TCF20: variants seen among roughly 807,000 people sequenced by gnomAD.
The protein encoded by TCF20 is SPRE-binding protein.
In TCF20, 3 loss-of-function variants were observed where a neutral mutation model predicts 148.6. The ratio of observed to expected loss-of-function variants is 0.02; its 90% CI spans 0.01 to 0.05. The LOEUF is 0.05. TCF20 is among the 10% of genes least tolerant of loss of function. The pLI is 1.00. For synonymous variants in TCF20, 1,049 were observed against 909.5 expected, an observed-to-expected ratio of 1.15 and a Z score of -2.76; for missense variants, 2,350 against 2,429.3, an observed-to-expected ratio of 0.97 and a Z score of 0.69.
chr22:42,238,883 C>A (rs1444618707), intron 1 of TCF20, among the ~76,000 whole-genome samples: 4 of 151,536 alleles, frequency 2.6e-5, no homozygotes, highest in Admixed American at 6.6e-5. Context: ...TTTGGGAGGC[C>A]GAGGTGGGTG....
intron 2 of TCF20, among the ~76,000 whole-genome samples, chr22:42,185,128 C>T (rs1391926688): frequency 6.6e-6 from 1 of 152,222 alleles, no homozygotes. Context: ...TAATTAGCAT[C>T]TCAGAGCAGC....
chr22:42,221,879 C>T (rs1382555881), intron 1 of TCF20, among the ~76,000 whole-genome samples: 1 of 151,578 alleles, frequency 6.6e-6, no homozygotes, highest in African/African-American at 2.4e-5. Flanking sequence ...GCTGGGACTA[C>T]AGGCGCCCAC....
intron 1 of TCF20, among the ~76,000 whole-genome samples, chr22:42,268,532 GGC>G (rs1926416399): frequency 6.6e-6 from 1 of 152,152 alleles, no homozygotes; most frequent in African/African-American, 2.4e-5. Flanking sequence ...TGCTGAAACT[GGC>G]TGGAAATTTC....
At chr22:42,321,348 G>A (rs1381833820) in intron 1 of TCF20, among the ~76,000 whole-genome samples, 2 of 152,160 alleles carry the variant, frequency 1.3e-5, no homozygotes, top group East Asian at 1.9e-4. Flanking sequence ...CCTGTCCCAT[G>A]GCCAGCTCTG....
intron 1 of TCF20, among the ~76,000 whole-genome samples, chr22:42,309,452 C>T (rs556099641): frequency 9.7e-4 from 147 of 152,168 alleles, no homozygotes; most frequent in Middle Eastern, 3.4e-3. Context: ...CTTGGGCCTC[C>T]GCGCTCTGGC....
At chr22:42,263,640 G>A (rs1926136964) in intron 1 of TCF20, among the ~76,000 whole-genome samples, 1 of 152,176 alleles carries the variant, frequency 6.6e-6, no homozygotes, top group Non-Finnish European at 1.5e-5. Context: ...GCATAATTAG[G>A]ATGAGAGAAA....
upstream of TCF20, among the ~76,000 whole-genome samples, chr22:42,270,817 C>T (rs1030208425): frequency 3.0e-4 from 44 of 147,708 alleles, no homozygotes; most frequent in African/African-American, 1.0e-3. Context: ...TCGAGGCTGG[C>T]GCGCGCCGGG....
intron 1 of TCF20, among the ~76,000 whole-genome samples, chr22:42,280,382 C>T (rs1266504089): frequency 6.6e-6 from 1 of 152,228 alleles, no homozygotes; most frequent in Admixed American, 6.5e-5. Flanking sequence ...GGTGGGTGGG[C>T]CTTTGTGGTC....
At chr22:42,228,257 T>C (rs980638170) in intron 1 of TCF20, among the ~76,000 whole-genome samples, 2 of 151,822 alleles carry the variant, frequency 1.3e-5, no homozygotes, top group Admixed American at 1.3e-4. Context: ...TGACACACAG[T>C]CAAAACGGAC....
chr22:42,179,685 C>T lies in TCF20; in HGVS notation c.5673G>A (p.Gln1891=). 6.2e-7 allele frequency: 1 copy of T among 1,613,820 alleles called. No homozygotes were observed. The change falls in exon 3 of 6, where the codon CAG becomes CAA. Residue 1891 remains glutamine (Q), a synonymous_variant. Transcript: ENST00000677622. ...AGCAGCCCAAGGTGGCGCCTGCCTC[C>T]TGGCAGTGGGAACATTTCTGAAAGG... The part of the protein sequence containing the change: ...IAREMKCSHC[Q]EAGATLGCYN...
rs1936470067 is a variant in TCF20 at position 42,176,630 on chromosome 22, A to G, written c.5749+2979T>C. Reference sequence around the variant, plus strand: ...ATGCTACTTGCTGCCTTCTCTCACCACTTTTCCTCAAACGTGACCACAGGC... The same window carrying G: ...ATGCTACTTGCTGCCTTCTCTCACCGCTTTTCCTCAAACGTGACCACAGGC... On this transcript the variant is annotated intron_variant, in intron 3 of 5. Transcript: ENST00000677622. Among the ~76,000 whole-genome samples the G allele has an allele frequency of 2.0e-5, 3 of 152,228 alleles. No homozygotes were observed. In the South Asian group the frequency reaches 6.2e-4, roughly 32 times the overall value.
Position 42,279,542 on chromosome 22 carries a change from A to C in TCF20, c.-37+4285T>G, listed in dbSNP as rs1016849673. On this transcript the variant is annotated intron_variant, in intron 1 of 5. Transcript: ENST00000359486. This position sits in a 1 kb window ranked among gnomAD's most constrained non-coding sequence, Gnocchi z 4.3. ...CTTCGGCAAGCTCCCTAAGCTCCTG[A>C]AGCCTCAGCCTTTTCACCCGTAGAA... Among the ~76,000 whole-genome samples the C allele has an allele frequency of 6.6e-6, 1 of 152,208 alleles. No homozygotes were observed. Among genetic ancestry groups the C allele is most frequent in the African/African-American group, 2.4e-5 (1 of 41,444 alleles).
chr22:42,268,503 C>A (rs1392530519), intron 1 of TCF20, among the ~76,000 whole-genome samples: 1 of 152,218 alleles, frequency 6.6e-6, no homozygotes, highest in Non-Finnish European at 1.5e-5. Context: ...CATTCTACTT[C>A]ATCCCCCTAC....
intron 1 of TCF20, among the ~76,000 whole-genome samples, chr22:42,244,410 G>T (rs1290480693): frequency 6.6e-6 from 1 of 152,180 alleles, no homozygotes; most frequent in African/African-American, 2.4e-5. Context: ...ATGAACGGAT[G>T]AACAGATTGT....
intron 1 of TCF20, among the ~76,000 whole-genome samples, chr22:42,309,387 T>TTA (rs1440529238): frequency 1.3e-5 from 2 of 151,984 alleles, no homozygotes; most frequent in African/African-American, 4.8e-5. Context: ...GCCAGGATCC[T>TTA]CAACCTGTCA....
At chr22:42,330,842 G>A (rs1268520713) in intron 1 of TCF20, among the ~76,000 whole-genome samples, 1 of 152,204 alleles carries the variant, frequency 6.6e-6, no homozygotes, top group African/African-American at 2.4e-5. Context: ...TTACAGATGG[G>A]GAAACTGAGG....
chr22:42,296,102 G>A (rs1927232200), intron 1 of TCF20, among the ~76,000 whole-genome samples: 1 of 152,250 alleles, frequency 6.6e-6, no homozygotes, highest in South Asian at 2.1e-4. Flanking sequence ...AGTTTTGTGA[G>A]GACTACCGAG....
chr22:42,271,281 A>G (rs1417130266), upstream of TCF20, among the ~76,000 whole-genome samples: 1 of 152,162 alleles, frequency 6.6e-6, no homozygotes. Context: ...AAACGCGAGG[A>G]GGGAGGCCCA....
chr22:42,251,878 G>T (rs1925398279), intron 1 of TCF20, among the ~76,000 whole-genome samples: 1 of 151,878 alleles, frequency 6.6e-6, no homozygotes, highest in South Asian at 2.1e-4. Flanking sequence ...GATATTTTGG[G>T]ATTTCAGTAT....
Sources: gnomAD v4.1 joint callset for allele counts (sites outside exome capture counted in the v4.1 genomes callset) on GRCh38, gnomAD v4.1.1 for gene constraint, Gnocchi (gnomAD v3.1) non-coding constraint, MANE v1.5 for transcripts, NCBI Gene and HGNC (gene_info 2026-07-23, HGNC 2026-07-21) for gene names.